MARCHF8: variants seen among roughly 807,000 people sequenced by gnomAD.
MARCHF8 encodes E3 ubiquitin-protein ligase MARCHF8.
A neutral mutation model predicts 51.6 loss-of-function variants in MARCHF8; 40 were observed. That is an observed-to-expected ratio of 0.77 (90% confidence interval 0.60 to 1.01). The LOEUF is 1.01. MARCHF8 is among the 50% of genes least tolerant of loss of function. The pLI is 0.00. For missense variants in MARCHF8, 685 were observed against 708.6 expected (o/e 0.97, Z 0.38); for synonymous variants, 263 against 280.3 (o/e 0.94, Z 0.62).
intron 7 of MARCHF8, 92 bp from the exon 8 acceptor site, chr10:45,458,635 T>TTTGTTG: frequency 7.6e-7 from 1 of 1,308,332 alleles, no homozygotes; most frequent in South Asian, 1.5e-5. Flanking sequence ...CAACTGATTC[T>TTTGTTG]TTGTTGTTGT....
In MARCHF8 at chr10:45,574,242, C is replaced by T. The variant is rs12782257; in HGVS notation, c.-79+19993G>A. On this transcript the variant is annotated intron_variant, in intron 1 of 6. Transcript: ENST00000319836. ...AAGGATTAAAGCCTGTTATCACTCA[C>T]CTGTTACAGCATGGACTTTTAAAGC... 6.0e-3 allele frequency among the ~76,000 whole-genome samples: 911 copies of T among 152,282 alleles called. 10 individuals carry two copies. Among genetic ancestry groups the T allele is most frequent in the African/African-American group, 0.021 (853 of 41,526 alleles).
chr10:45,496,033 C>T (rs1277769261), intron 2 of MARCHF8, among the ~76,000 whole-genome samples: 1 of 151,786 alleles, frequency 6.6e-6, no homozygotes, highest in Non-Finnish European at 1.5e-5. Context: ...ACATAAAGAA[C>T]TCAAAGAAAA....
intron 1 of MARCHF8, among the ~76,000 whole-genome samples, chr10:45,559,664 G>T (rs1461708085): frequency 6.6e-6 from 1 of 152,054 alleles, no homozygotes; most frequent in Non-Finnish European, 1.5e-5. Context: ...TTAAATCTTT[G>T]AGATTAAAAC....
chr10:45,495,458 C>T (rs1771372898), intron 2 of MARCHF8, among the ~76,000 whole-genome samples: 1 of 152,098 alleles, frequency 6.6e-6, no homozygotes, highest in Admixed American at 6.5e-5. Context: ...CCATTCAAAA[C>T]TCAGAGTTGA....
At chr10:45,584,517 C>T (rs888114762) in intron 1 of MARCHF8, among the ~76,000 whole-genome samples, 1 of 152,058 alleles carries the variant, frequency 6.6e-6, no homozygotes, top group Non-Finnish European at 1.5e-5. Flanking sequence ...GGACATGGAA[C>T]AAGAACTCCA....
At chr10:45,532,070 G>A (rs1214776219) in intron 2 of MARCHF8, among the ~76,000 whole-genome samples, 1 of 152,088 alleles carries the variant, frequency 6.6e-6, no homozygotes, top group African/African-American at 2.4e-5. Flanking sequence ...TGGGCTCCAC[G>A]ACACCCTGAA....
chr10:45,533,822 A>T (rs997580885), intron 1 of MARCHF8, among the ~76,000 whole-genome samples: 7 of 152,180 alleles, frequency 4.6e-5, no homozygotes, highest in African/African-American at 1.4e-4. Flanking sequence ...TACATATTTT[A>T]GGCACTGTGG....
chr10:45,590,981 C>T (rs951008279), intron 1 of MARCHF8, among the ~76,000 whole-genome samples: 3 of 152,224 alleles, frequency 2.0e-5, no homozygotes, highest in African/African-American at 7.2e-5. Context: ...CCCACCCTAA[C>T]TGATAAACGT....
At chr10:45,504,337 G>A (rs1312329735) in intron 2 of MARCHF8, among the ~76,000 whole-genome samples, 1 of 152,234 alleles carries the variant, frequency 6.6e-6, no homozygotes, top group East Asian at 1.9e-4. Context: ...CAAGCTACTT[G>A]GGAGGCTGAG....
rs546775438 is a variant in MARCHF8, at chr10:45,585,120, T to C, written c.-79+9115A>G. On this transcript the variant is annotated intron_variant, in intron 1 of 6. Transcript: ENST00000319836. ...CCTATAGGACCATGAGATTTTAAAATGTGTGTTGTTTTAAGCCTCTAAGTT... is the reference window on the plus strand; with the variant it reads ...CCTATAGGACCATGAGATTTTAAAACGTGTGTTGTTTTAAGCCTCTAAGTT... Among the ~76,000 whole-genome samples, 50 of 152,328 alleles carry C rather than the reference T, an allele frequency of 3.3e-4. No individual in the cohort carries two copies. The South Asian group carries it at 6.0e-3, about 18-fold the overall frequency.
At chr10:45,589,176 C>G (rs970675212) in intron 1 of MARCHF8, among the ~76,000 whole-genome samples, 1 of 152,008 alleles carries the variant, frequency 6.6e-6, no homozygotes, top group Non-Finnish European at 1.5e-5. Context: ...CATTTATTAC[C>G]TCATAGTTAC....
At chr10:45,531,078 C>A (rs571335812) in intron 2 of MARCHF8, among the ~76,000 whole-genome samples, 1 of 151,852 alleles carries the variant, frequency 6.6e-6, no homozygotes, top group Non-Finnish European at 1.5e-5. Flanking sequence ...TTGGAATATC[C>A]AAAATAAAAT....
chr10:45,499,677 T>C (rs1372137929), intron 2 of MARCHF8, among the ~76,000 whole-genome samples: 1 of 152,182 alleles, frequency 6.6e-6, no homozygotes, highest in Non-Finnish European at 1.5e-5. Flanking sequence ...CCAATATCAT[T>C]TGTTGAAAAG....
intron 2 of MARCHF8, among the ~76,000 whole-genome samples, chr10:45,532,118 A>G (rs1240124034): frequency 6.6e-6 from 1 of 152,170 alleles, no homozygotes; most frequent in East Asian, 1.9e-4. Flanking sequence ...CCATCCCCAC[A>G]CTAAGGTAAG....
chr10:45,581,042 G>A (rs2044549962), intron 1 of MARCHF8, among the ~76,000 whole-genome samples: 1 of 152,076 alleles, frequency 6.6e-6, no homozygotes, highest in Non-Finnish European at 1.5e-5. Context: ...TGGGAACACG[G>A]AGAAACCAGA....
At chr10:45,499,602 T>C (rs1453820841) in intron 2 of MARCHF8, among the ~76,000 whole-genome samples, 1 of 152,222 alleles carries the variant, frequency 6.6e-6, no homozygotes, top group East Asian at 1.9e-4. Flanking sequence ...TCTTTCTACA[T>C]GGTGTAAAGT....
chr10:45,590,501 C>T (rs71496624), intron 1 of MARCHF8, among the ~76,000 whole-genome samples: 9,385 of 152,112 alleles, frequency 0.062, 333 homozygotes, highest in Non-Finnish European at 0.067. Flanking sequence ...CAATTTGTAT[C>T]TAGTAGTTAC....
chr10:45,501,763 G>C (rs1485752658), intron 2 of MARCHF8, among the ~76,000 whole-genome samples: 1 of 152,058 alleles, frequency 6.6e-6, no homozygotes, highest in East Asian at 1.9e-4. Flanking sequence ...CTAGTATTTA[G>C]AATACAGAAA....
chr10:45,580,759 G>C (rs1042231289), intron 1 of MARCHF8, among the ~76,000 whole-genome samples: 1 of 152,148 alleles, frequency 6.6e-6, no homozygotes, highest in African/African-American at 2.4e-5. Flanking sequence ...ACAATATAAA[G>C]ATACCACATA....
Sources: gnomAD v4.1 joint callset for allele counts (sites outside exome capture counted in the v4.1 genomes callset) on GRCh38, gnomAD v4.1.1 for gene constraint, MANE v1.5 for transcripts, NCBI Gene and HGNC (gene_info 2026-07-23, HGNC 2026-07-21) for gene names.